The following EXOC4 variants were observed in gnomAD, a reference collection of about 807,000 sequenced individuals.
The protein encoded by EXOC4 is exocyst complex component 4.
Under a neutral mutation model 107.2 loss-of-function variants are expected in EXOC4, and 71 were observed. The ratio of observed to expected loss-of-function variants is 0.66; its 90% CI spans 0.55 to 0.81. The LOEUF (loss-of-function observed/expected upper bound fraction) is 0.81, where lower values mean the gene tolerates loss of function less well. EXOC4 is among the 30% of genes least tolerant of loss of function. The pLI is 0.00. For synonymous variants in EXOC4, 456 were observed against 441.2 expected (o/e 1.03, Z -0.42); for missense variants, 1,108 against 1,189.6 (o/e 0.93, Z 1.01).
intron 9 of EXOC4, among the ~76,000 whole-genome samples, chr7:133,497,924 T>C (rs1400360111): frequency 6.6e-6 from 1 of 152,190 alleles, no homozygotes; most frequent in African/African-American, 2.4e-5. Context: ...CTAATAGGTT[T>C]TCTGTGTTAC....
chr7:133,398,191 T>C (rs1274677696), intron 7 of EXOC4, among the ~76,000 whole-genome samples: 1 of 152,172 alleles, frequency 6.6e-6, no homozygotes, highest in Non-Finnish European at 1.5e-5. Flanking sequence ...GATTTTCTGC[T>C]AGAGGGAACT....
intron 14 of EXOC4, among the ~76,000 whole-genome samples, chr7:133,943,794 G>A (rs10232278): frequency 0.31 from 47,102 of 151,728 alleles, 7,717 homozygotes; most frequent in Non-Finnish European, 0.36. Context: ...GTTCAAGTCA[G>A]CCAATATAAA....
the EXOC4 span, among the ~76,000 whole-genome samples, chr7:134,077,179 GGTGGGGGACT>G: frequency 2.0e-5 from 3 of 152,264 alleles, no homozygotes; most frequent in East Asian, 5.8e-4. Context: ...GGGAGTTGAA[GGTGGGGGACT>G]GGTCTAAGTC....
chr7:133,264,320 C>G (rs183887379), intron 1 of EXOC4, among the ~76,000 whole-genome samples: 12 of 152,264 alleles, frequency 7.9e-5, no homozygotes, highest in Admixed American at 7.8e-4. Flanking sequence ...AAGCAAGACA[C>G]CAATGAATTT....
In EXOC4 at chr7:133,847,796, C is replaced by T. The variant is rs188782629; in HGVS notation, c.1734+30252C>T. ...TGATCTCGGCTCACTGCAACCTTCT[C>T]CTCCCAGGTTCAAGCAATTCTCCTG... On this transcript the variant is annotated intron_variant, in intron 11 of 17. Coordinates refer to ENST00000253861, the MANE Select transcript of EXOC4 (RefSeq NM_021807.4). Among the ~76,000 whole-genome samples the T allele has an allele frequency of 2.3e-3, 356 of 151,780 alleles. 5 individuals are homozygous for T. Among genetic ancestry groups the T allele is most frequent in the African/African-American group, 8.0e-3 (329 of 41,344 alleles).
intron 4 of EXOC4, chr7:133,315,241 G>T (rs555511965): frequency 1.3e-5 from 2 of 152,718 alleles, no homozygotes; most frequent in Admixed American, 6.5e-5. Flanking sequence ...CCAGCTCTGT[G>T]ATCATCAGTG....
chr7:134,022,479 G>T (rs1207590718), intron 17 of EXOC4, among the ~76,000 whole-genome samples: 1 of 152,014 alleles, frequency 6.6e-6, no homozygotes, highest in African/African-American at 2.4e-5. Flanking sequence ...GCATTTTAAG[G>T]CTCCTTCCAC....
At chr7:133,705,346 G>A (rs1228317150) in intron 10 of EXOC4, among the ~76,000 whole-genome samples, 1 of 152,208 alleles carries the variant, frequency 6.6e-6, no homozygotes, top group African/African-American at 2.4e-5. Context: ...CAGCCTCAGT[G>A]TCAGAGGAAG....
At chr7:133,540,167 T>G (rs1037103625) in intron 9 of EXOC4, among the ~76,000 whole-genome samples, 1 of 152,224 alleles carries the variant, frequency 6.6e-6, no homozygotes, top group Non-Finnish European at 1.5e-5. Flanking sequence ...TTATCATTTA[T>G]GTAGCACCTG....
At chr7:133,639,430 T>A (rs1231654888) in intron 10 of EXOC4, among the ~76,000 whole-genome samples, 1 of 152,196 alleles carries the variant, frequency 6.6e-6, no homozygotes, top group African/African-American at 2.4e-5. Context: ...TCATACTGCC[T>A]GTGAAGTATT....
chr7:133,389,729 G>A (rs1166291488), intron 7 of EXOC4, among the ~76,000 whole-genome samples: 3 of 152,040 alleles, frequency 2.0e-5, no homozygotes, highest in African/African-American at 7.2e-5. Flanking sequence ...GTTATAGGAA[G>A]TGTATTAGTC....
chr7:133,286,520 T>G (rs774183303), intron 2 of EXOC4, among the ~76,000 whole-genome samples: 1 of 152,196 alleles, frequency 6.6e-6, no homozygotes, highest in Non-Finnish European at 1.5e-5. Flanking sequence ...GCTAACCATT[T>G]GTGTGTAAGA....
chr7:133,563,690 G>A (rs192628438), intron 9 of EXOC4, among the ~76,000 whole-genome samples: 3 of 152,274 alleles, frequency 2.0e-5, no homozygotes, highest in East Asian at 1.9e-4. Context: ...AAAACTAGGC[G>A]GCATAAGTTA....
chr7:133,382,818 G>T (rs1437301713), intron 7 of EXOC4, among the ~76,000 whole-genome samples: 1 of 152,124 alleles, frequency 6.6e-6, no homozygotes, highest in Non-Finnish European at 1.5e-5. Context: ...AATGACTTCA[G>T]CAGTTTTTTT....
intron 11 of EXOC4, among the ~76,000 whole-genome samples, chr7:133,819,551 G>T (rs992069753): frequency 6.6e-6 from 1 of 152,122 alleles, no homozygotes; most frequent in South Asian, 2.1e-4. Flanking sequence ...AATAAGTTTC[G>T]AGAGTCATAA....
intron 7 of EXOC4, among the ~76,000 whole-genome samples, chr7:133,380,762 T>TTGC (rs1796600987): frequency 6.6e-6 from 1 of 152,238 alleles, no homozygotes; most frequent in African/African-American, 2.4e-5. Context: ...GGCAGTGCTG[T>TTGC]TGCTGTTCCA....
chr7:133,299,786 C>T (rs1020501859), intron 3 of EXOC4, among the ~76,000 whole-genome samples: 6 of 152,146 alleles, frequency 3.9e-5, no homozygotes, highest in Non-Finnish European at 5.9e-5. Flanking sequence ...CCTGTAAATT[C>T]CATTATCTCC....
intron 7 of EXOC4, among the ~76,000 whole-genome samples, chr7:133,452,353 T>C (rs2150810284): frequency 6.6e-6 from 1 of 152,164 alleles, no homozygotes; most frequent in East Asian, 1.9e-4. Context: ...TGTTGATTTT[T>C]GGATATGTGA....
At chr7:133,305,814 A>G (rs1584795620) in intron 3 of EXOC4, 63 bp from the exon 4 acceptor site, 2 of 1,371,032 alleles carry the variant, frequency 1.5e-6, no homozygotes, top group East Asian at 2.4e-5. Context: ...CGTCTTTCTT[A>G]TTTATAATAT....
Sources: gnomAD v4.1 joint callset for allele counts (sites outside exome capture counted in the v4.1 genomes callset) on GRCh38, gnomAD v4.1.1 for gene constraint, MANE v1.5 for transcripts, NCBI Gene and HGNC (gene_info 2026-07-23, HGNC 2026-07-21) for gene names.